PATJ: variants seen among roughly 807,000 people sequenced by gnomAD.
The protein encoded by PATJ is PATJ crumbs cell polarity complex component, also known as inaD-like protein.
In PATJ, 190 loss-of-function variants were observed where a neutral mutation model predicts 224.9. The observed-to-expected ratio is 0.84, with a 90% CI of 0.75 to 0.95. The LOEUF (loss-of-function observed/expected upper bound fraction) is 0.95, where lower values mean the gene tolerates loss of function less well. Ranked by LOEUF, PATJ falls within the 40% of genes least tolerant of loss-of-function variation. The pLI, the probability that PATJ is intolerant of heterozygous loss-of-function variation, is 0.00. For missense variants in PATJ, 2,121 were observed against 2,270.3 expected (o/e 0.93, Z 1.34); for synonymous variants, 769 against 820.3 (o/e 0.94, Z 1.07).
rs748436446 is a variant in PATJ, at chr1:61,864,389, T to C, written c.2591T>C (p.Met864Thr). ...TTTCTGACTCCTAGATTGCAGGAAA[T>C]GGATGAAGAAAGAGAAATTCTTGTT... Reference protein sequence around the residue: ...HEFLTPRLQEMDEEREILVDE... With the variant: ...HEFLTPRLQETDEEREILVDE... Residue 864 changes from methionine (M) to threonine (T), a missense_variant, in exon 20 of 44, where the codon ATG becomes ACG. Transcript: ENST00000642238. 3 of 1,614,008 alleles carry C rather than the reference T, an allele frequency of 1.9e-6. No homozygotes were observed. The highest frequency in any genetic ancestry group is 1.1e-5 in the South Asian group (1 of 91,076).
chr1:62,078,951 T>G (rs982839453), intron 31 of PATJ: 2 of 152,626 alleles, frequency 1.3e-5, no homozygotes, highest in African/African-American at 4.8e-5. Context: ...TGTCTGCCCC[T>G]CATTTTGCTT....
At chr1:61,909,540 A>G (rs1013708595) in intron 25 of PATJ, among the ~76,000 whole-genome samples, 3 of 152,078 alleles carry the variant, frequency 2.0e-5, no homozygotes, top group Admixed American at 6.5e-5. Context: ...TGGCATGATC[A>G]TAGCTCACTG....
chr1:62,152,835 G>GT lies in PATJ; in HGVS notation c.5379-522dup, dbSNP rs201180106. On this transcript the variant is annotated intron_variant, in intron 42 of 43. Transcript: ENST00000642238. ...CGACAGCTTCCTTCAGCTGTCAGCA[G>GT]TAAGTTTAAAAGTTAAAAACTGGCC... Among the ~76,000 whole-genome samples, 46 of 152,042 alleles carry GT rather than the reference G, an allele frequency of 3.0e-4. 1 individual carries two copies. In the South Asian group the frequency reaches 7.1e-3, roughly 23 times the overall value.
At chr1:62,066,011 C>G (rs1449152576) in intron 31 of PATJ, among the ~76,000 whole-genome samples, 1 of 152,164 alleles carries the variant, frequency 6.6e-6, no homozygotes, top group Non-Finnish European at 1.5e-5. Context: ...TGTTATCTTT[C>G]AAAGGGAACT....
intron 41 of PATJ, among the ~76,000 whole-genome samples, chr1:62,132,369 A>C (rs892293514): frequency 2.6e-5 from 4 of 152,238 alleles, no homozygotes; most frequent in Non-Finnish European, 5.9e-5. Context: ...TTGGCGGTGC[A>C]CCTCTGTAAT....
chr1:61,913,110 T>C (rs1672935166), intron 25 of PATJ, among the ~76,000 whole-genome samples: 1 of 152,198 alleles, frequency 6.6e-6, no homozygotes, highest in African/African-American at 2.4e-5. Context: ...ATATTAAAAA[T>C]GAAAATTTAA....
At position 62,095,907 on chromosome 1, in the gene PATJ, TGTTG is replaced by T. The variant is rs887430662; in HGVS notation, c.4377+11263_4377+11266del. 5.3e-5 allele frequency among the ~76,000 whole-genome samples: 8 copies of T among 152,310 alleles called. No individual in the cohort carries two copies. The East Asian group carries it at 1.4e-3, about 26-fold the overall frequency. On this transcript the variant is annotated intron_variant, in intron 33 of 43. Coordinates refer to ENST00000642238, the MANE Select transcript of PATJ (RefSeq NM_001350145.3). ...TAAAGACACCTCGTTTAATATATAG[TGTTG>T]GTTCATTAACATTGAATGCATGACC...
chr1:61,769,265 T>C lies in PATJ; in HGVS notation c.385-18T>C, dbSNP rs1312569868. On this transcript the variant is annotated intron_variant, in intron 4 of 43. Transcript: ENST00000642238. Reference sequence around the variant, plus strand: ...AAATGTACACCATTGACTTTTTTTTTTAACGCTCCTTCATTAGGGCCGGCA... The same window carrying C: ...AAATGTACACCATTGACTTTTTTTTCTAACGCTCCTTCATTAGGGCCGGCA... 6.3e-7 allele frequency: 1 copy of C among 1,595,640 alleles called. No homozygotes were observed. Among genetic ancestry groups the C allele is most frequent in the Admixed American group, 1.8e-5 (1 of 54,890 alleles).
intron 17 of PATJ, among the ~76,000 whole-genome samples, chr1:61,847,815 A>G (rs527783434): frequency 6.6e-6 from 1 of 152,348 alleles, no homozygotes; most frequent in Admixed American, 6.5e-5. Flanking sequence ...TGTTCTCGTG[A>G]TTTTAATTCA....
At chr1:62,042,936 C>T (rs1193326496) in intron 30 of PATJ, among the ~76,000 whole-genome samples, 3 of 152,146 alleles carry the variant, frequency 2.0e-5, no homozygotes, top group South Asian at 2.1e-4. Context: ...TGTGAGCTAC[C>T]GAGCCTAGTG....
rs1031482042 is a variant in PATJ at position 61,874,463 on chromosome 1, T to C, written c.2836-780T>C. Among the ~76,000 whole-genome samples the C allele has an allele frequency of 7.9e-5, 12 of 152,018 alleles. No homozygotes were observed. The East Asian group carries it at 2.3e-3, about 29-fold the overall frequency. ...CCACCTGCCTTGGCCTCCCAAAGTG[T>C]TGGGATTACAGGTGTGAGCCACCAC... On this transcript the variant is annotated intron_variant, in intron 20 of 43. Coordinates refer to ENST00000642238, the MANE Select transcript of PATJ (RefSeq NM_001350145.3).
chr1:62,033,861 A>G (rs1649806297), intron 29 of PATJ, among the ~76,000 whole-genome samples: 1 of 152,166 alleles, frequency 6.6e-6, no homozygotes, highest in Non-Finnish European at 1.5e-5. Flanking sequence ...CAGGTACCAC[A>G]CTACAAGCTG....
intron 17 of PATJ, among the ~76,000 whole-genome samples, chr1:61,853,780 C>T (rs908185161): frequency 1.3e-5 from 2 of 152,252 alleles, no homozygotes; most frequent in African/African-American, 4.8e-5. Flanking sequence ...GCAATAGCTC[C>T]CTCTACTTGA....
At chr1:61,993,474 G>A (rs935085672) in intron 28 of PATJ, among the ~76,000 whole-genome samples, 2 of 152,090 alleles carry the variant, frequency 1.3e-5, no homozygotes, top group Admixed American at 1.3e-4. Context: ...TTCTCCCTGA[G>A]GGTCGGAACT....
At chr1:62,141,259 C>T (rs753960283) in intron 41 of PATJ, among the ~76,000 whole-genome samples, 1 of 152,204 alleles carries the variant, frequency 6.6e-6, no homozygotes, top group African/African-American at 2.4e-5. Context: ...GGCTTTACCC[C>T]TTACTACCTG....
rs1376723170 is a variant in PATJ at position 61,762,863 on chromosome 1, T to C, written c.-30T>C. ...TTGTTAAATTTTTTCTTTAGGTGTCTTTAAGAGTGATTGAAGAGAATAATT... is the reference window on the plus strand; with the variant it reads ...TTGTTAAATTTTTTCTTTAGGTGTCCTTAAGAGTGATTGAAGAGAATAATT... On this transcript the variant is annotated 5_prime_UTR_variant, in exon 2 of 44. Transcript: ENST00000642238. 13 of 1,475,732 alleles carry C rather than the reference T, an allele frequency of 8.8e-6. No individual in the cohort carries two copies. The highest frequency in any genetic ancestry group is 1.4e-5 in the African/African-American group (1 of 71,378). The allele number at this position is 1,475,732 out of a possible 1,614,324, so 91.4% of individuals were successfully genotyped here. A position where few individuals can be genotyped will look rare whatever the true frequency, so the allele number is the denominator to read the frequency against.
intron 27 of PATJ, chr1:61,952,498 AAG>A: frequency 1.4e-6 from 1 of 709,592 alleles, no homozygotes; most frequent in Non-Finnish European, 2.6e-6. Flanking sequence ...TGTGGTTTTA[AAG>A]GTTTAGACAA....
chr1:61,831,749 G>A (rs1024375736), intron 16 of PATJ, among the ~76,000 whole-genome samples: 1 of 152,210 alleles, frequency 6.6e-6, no homozygotes, highest in African/African-American at 2.4e-5. Context: ...AATTAGTTCA[G>A]CCACTGTGGA....
chr1:61,902,928 A>G (rs1472281078), intron 24 of PATJ, among the ~76,000 whole-genome samples: 1 of 152,170 alleles, frequency 6.6e-6, no homozygotes, highest in Admixed American at 6.5e-5. Flanking sequence ...ATGGAGGAAG[A>G]AAAACATGCA....
Sources: allele counts gnomAD v4.1 joint callset (sites outside exome capture counted in the v4.1 genomes callset), GRCh38; gene constraint gnomAD v4.1.1; transcripts MANE v1.5; gene names NCBI Gene and HGNC (gene_info 2026-07-23, HGNC 2026-07-21).